Variants in SYCP2L observed in about 807,000 individuals in gnomAD.
The protein encoded by SYCP2L is synaptonemal complex protein 2 like.
A neutral mutation model predicts 125.8 loss-of-function variants in SYCP2L; 98 were observed. That is an observed-to-expected ratio of 0.78 (90% CI 0.66 to 0.92). The LOEUF (loss-of-function observed/expected upper bound fraction) is 0.92, where lower values mean the gene tolerates loss of function less well. Ranked by LOEUF, SYCP2L falls within the 40% of genes least tolerant of loss-of-function variation. The probability of loss-of-function intolerance (pLI) is 0.00; values close to 1 mark genes in which losing one functional copy is unlikely to be tolerated. For missense variants in SYCP2L, 842 were observed against 936.4 expected (o/e 0.90, Z 1.32); for synonymous variants, 317 against 325.4 (o/e 0.97, Z 0.28).
intron 29 of SYCP2L, among the ~76,000 whole-genome samples, chr6:10,965,741 T>C (rs1244694116): frequency 6.6e-6 from 1 of 152,246 alleles, no homozygotes; most frequent in African/African-American, 2.4e-5. Flanking sequence ...CATTTCCTAA[T>C]TTTAACATAA....
chr6:10,905,972 C>T (rs752290278), intron 8 of SYCP2L, 48 bp from the exon 9 acceptor site: 50 of 1,340,010 alleles, frequency 3.7e-5, no homozygotes, highest in Non-Finnish European at 4.8e-5. Context: ...TAAAGTTTTA[C>T]CTCTTGATGT....
At chr6:10,893,493 A>G (rs1379648791) in intron 2 of SYCP2L, among the ~76,000 whole-genome samples, 2 of 152,182 alleles carry the variant, frequency 1.3e-5, no homozygotes, top group East Asian at 1.9e-4. Flanking sequence ...AATTCCCAAC[A>G]TTGCTGAGGA....
chr6:10,934,159 G>A (rs1048895486), intron 20 of SYCP2L, among the ~76,000 whole-genome samples: 2 of 152,098 alleles, frequency 1.3e-5, no homozygotes, highest in Admixed American at 1.3e-4. Context: ...AAATAAGCTT[G>A]CTTTATTCTC....
In SYCP2L at chr6:10,961,514, A is replaced by G. The variant is rs1781593456; in HGVS notation, c.2370A>G (p.Lys790=). 6.2e-7 allele frequency: 1 copy of G among 1,614,066 alleles called. No homozygotes were observed. The highest frequency in any genetic ancestry group is 8.5e-7 in the Non-Finnish European group (1 of 1,180,026). Reference sequence around the variant, plus strand: ...TTCAATCTTAGGAATTCTGGGGGAAACAGTCTGCTGATCTGCAATCTTTCT... The same window carrying G: ...TTCAATCTTAGGAATTCTGGGGGAAGCAGTCTGCTGATCTGCAATCTTTCT... ...LEKEVLEFWG[K]QSADLQSFCD... is the part of the protein sequence containing the mutation. Residue 790 remains lysine (K), a synonymous_variant, in exon 28 of 30, where the codon AAA becomes AAG. Transcript: ENST00000283141.
chr6:10,971,529 A>G (rs1250471646), intron 29 of SYCP2L, among the ~76,000 whole-genome samples: 1 of 152,054 alleles, frequency 6.6e-6, no homozygotes, highest in South Asian at 2.1e-4. Context: ...AAAAGTTTAT[A>G]AAGAGTTAAA....
chr6:10,944,938 T>C (rs945738267), intron 23 of SYCP2L, among the ~76,000 whole-genome samples: 1 of 152,226 alleles, frequency 6.6e-6, no homozygotes, highest in Non-Finnish European at 1.5e-5. Context: ...GGTCTTGAAC[T>C]CCTGACCTCA....
rs571996424 is a variant in SYCP2L, at chr6:10,966,508, A to G, written c.*37+2665A>G. On this transcript the variant is annotated intron_variant, in intron 29 of 29. Coordinates refer to ENST00000283141, the MANE Select transcript of SYCP2L (RefSeq NM_001040274.3). ...AATGGATGGGAGATGGAATAACATA[A>G]AGGCGTCCATTCTGCCTAAATTAGT... Among the ~76,000 whole-genome samples the G allele has an allele frequency of 7.9e-5, 12 of 152,304 alleles. No homozygotes were observed. In the South Asian group the frequency reaches 2.3e-3, roughly 29 times the overall value.
rs550270300 is a variant in SYCP2L, at chr6:10,966,933, A to AT, written c.*37+3091dup. On this transcript the variant is annotated intron_variant, in intron 29 of 29. Coordinates refer to ENST00000283141, the MANE Select transcript of SYCP2L (RefSeq NM_001040274.3). ...ATATATTAGAAACAGCAATATGTCA[A>AT]TAAGTGTGAAAACTTAGATGAAATG... Among the ~76,000 whole-genome samples, 656 of 152,344 alleles carry AT rather than the reference A, an allele frequency of 4.3e-3. 5 individuals carry two copies. Among genetic ancestry groups the AT allele is most frequent in the Non-Finnish European group, 4.1e-3 (278 of 68,016 alleles).
intron 14 of SYCP2L, among the ~76,000 whole-genome samples, chr6:10,913,959 G>A (rs1394021867): frequency 2.0e-5 from 3 of 151,976 alleles, no homozygotes; most frequent in East Asian, 1.9e-4. Flanking sequence ...GGCCTCCTGA[G>A]TTGCTGGGAT....
intron 18 of SYCP2L, among the ~76,000 whole-genome samples, chr6:10,929,387 C>T (rs997988404): frequency 1.3e-5 from 2 of 152,130 alleles, no homozygotes; most frequent in African/African-American, 4.8e-5. Flanking sequence ...CCTTAAGAGG[C>T]AGGAGGGCTT....
intron 29 of SYCP2L, among the ~76,000 whole-genome samples, chr6:10,964,919 T>G (rs1014002877): frequency 2.2e-4 from 34 of 152,110 alleles, no homozygotes; most frequent in Non-Finnish European, 8.8e-5. Context: ...TGGTCATCTT[T>G]GAGAAACAGT....
At chr6:10,924,747 A>G in intron 15 of SYCP2L, 106 bp downstream of exon 15, 1 of 1,138,018 alleles carries the variant, frequency 8.8e-7, no homozygotes, top group Non-Finnish European at 1.2e-6. Context: ...AAAGCAGAAA[A>G]CCTGGTCTTT....
chr6:10,939,452 A>G (rs1219611019), intron 21 of SYCP2L, among the ~76,000 whole-genome samples: 1 of 152,258 alleles, frequency 6.6e-6, no homozygotes, highest in East Asian at 1.9e-4. Context: ...AGCTGGAGGC[A>G]TCACACTTTC....
chr6:10,903,060 C>T, intron 8 of SYCP2L, 97 bp downstream of exon 8: 1 of 970,706 alleles, frequency 1.0e-6, no homozygotes, highest in Non-Finnish European at 1.6e-6. Context: ...TGATTATGTC[C>T]TTTCTCTCTT....
At chr6:10,930,920 C>G (rs566062764) in intron 19 of SYCP2L, among the ~76,000 whole-genome samples, 1 of 152,316 alleles carries the variant, frequency 6.6e-6, no homozygotes, top group South Asian at 2.1e-4. Context: ...CGCCTCTAAT[C>G]CTGGCACTTT....
Position 10,958,870 on chromosome 6 carries a change from G to A in SYCP2L, c.2250G>A (p.Leu750=), listed in dbSNP as rs368885386. ...TAAAACTTTTAAACCAGATGCAACT[G>A]TTCAGGTAAGTTTTAGGTTTCAAAA... ...CLIKLLNQMQ[L]FRLNKLERFQ... is the part of the protein sequence containing the mutation. Residue 750 remains leucine, a synonymous_variant, in exon 26 of 30, where the codon CTG becomes CTA. Coordinates refer to ENST00000283141, the MANE Select transcript of SYCP2L (RefSeq NM_001040274.3). 1.2e-6 allele frequency: 2 copies of A among 1,613,722 alleles called. No individual in the cohort carries two copies. Among genetic ancestry groups the A allele is most frequent in the African/African-American group, 1.3e-5 (1 of 75,040 alleles).
intron 21 of SYCP2L, among the ~76,000 whole-genome samples, chr6:10,936,279 C>G (rs1318106277): frequency 6.6e-6 from 1 of 151,798 alleles, no homozygotes; most frequent in Non-Finnish European, 1.5e-5. Context: ...GGCAGATCAC[C>G]TGAGGTCAGG....
intron 29 of SYCP2L, among the ~76,000 whole-genome samples, chr6:10,969,341 C>T (rs1375624519): frequency 1.3e-5 from 2 of 150,948 alleles, no homozygotes; most frequent in Non-Finnish European, 2.9e-5. Context: ...CTGATAATTC[C>T]CCTTCTAGGA....
intron 28 of SYCP2L, among the ~76,000 whole-genome samples, chr6:10,962,179 T>G (rs994470734): frequency 2.6e-5 from 4 of 151,930 alleles, no homozygotes; most frequent in Admixed American, 6.6e-5. Flanking sequence ...CCATATAAAT[T>G]TATAATAGTT....
Sources: allele counts gnomAD v4.1 joint callset (sites outside exome capture counted in the v4.1 genomes callset), GRCh38; gene constraint gnomAD v4.1.1; transcripts MANE v1.5; gene names NCBI Gene and HGNC (gene_info 2026-07-23, HGNC 2026-07-21).